The following MAPKAP1 variants were observed in gnomAD, a reference collection of about 807,000 sequenced individuals.
The protein encoded by MAPKAP1 is MAPK associated protein 1, also known as target of rapamycin complex 2 subunit MAPKAP1.
A neutral mutation model predicts 65.7 loss-of-function variants in MAPKAP1; 20 were observed. That is an observed-to-expected ratio of 0.30 (90% CI 0.21 to 0.44). The LOEUF (loss-of-function observed/expected upper bound fraction) is 0.44. Ranked by LOEUF, MAPKAP1 falls within the 20% of genes least tolerant of loss-of-function variation. The pLI is 1.00. For synonymous variants in MAPKAP1, 222 were observed against 244.3 expected (o/e 0.91, Z 0.85); for missense variants, 423 against 648.0 (o/e 0.65, Z 3.77).
Position 125,624,642 on chromosome 9 carries a change from G to T in MAPKAP1, c.498+33009C>A, listed in dbSNP as rs1165413044. 3.7e-3 allele frequency among the ~76,000 whole-genome samples: 258 copies of T among 69,752 alleles called. 11 individuals carry two copies. The highest frequency in any genetic ancestry group is 6.1e-3 in the Non-Finnish European group (201 of 32,706). 45.8% of individuals were successfully genotyped at this position (69,752 alleles called of 152,430 possible). The stretch of plus-strand genomic sequence containing the variant: ...GGGGGTCAGCCCCCCTGCCCGGCCA[G>T]CCGCCCCGTCCGGGAGGTGAGGGGC... On this transcript the variant is annotated intron_variant, in intron 4 of 11. Transcript: ENST00000265960.
At chr9:125,496,486 G>C (rs1460921930) in intron 8 of MAPKAP1, among the ~76,000 whole-genome samples, 2 of 152,192 alleles carry the variant, frequency 1.3e-5, no homozygotes, top group Non-Finnish European at 1.5e-5. Flanking sequence ...TTTGAAGAGT[G>C]CTGTTGTGGT....
chr9:125,648,515 T>C (rs1022730369), intron 4 of MAPKAP1, among the ~76,000 whole-genome samples: 1 of 152,226 alleles, frequency 6.6e-6, no homozygotes, highest in East Asian at 1.9e-4. Context: ...TTACTTGTCC[T>C]ACATCAGAGA....
chr9:125,441,304 T>C (rs1371781365), intron 11 of MAPKAP1, among the ~76,000 whole-genome samples: 2 of 152,168 alleles, frequency 1.3e-5, no homozygotes, highest in Admixed American at 6.5e-5. Context: ...CAGTGACATC[T>C]TGATGGGAAG....
rs2132909294 is a variant in MAPKAP1 at position 125,438,643 on chromosome 9, G to C, written c.*244C>G. 3.9e-6 allele frequency: 2 copies of C among 512,170 alleles called. No individual in the cohort carries two copies. The highest frequency in any genetic ancestry group is 3.6e-5 in the South Asian group (1 of 27,690). 31.7% of individuals were successfully genotyped at this position (512,170 alleles called of 1,614,324 possible). On this transcript the variant is annotated 3_prime_UTR_variant, in exon 12 of 12. Coordinates refer to ENST00000265960, the MANE Select transcript of MAPKAP1 (RefSeq NM_001006617.3). ...GCGGCACGTGGCTCCTCTAGGGGGTGGTCTGACCCCCAAGCATCGCTTATC... is the reference window on the plus strand; with the variant it reads ...GCGGCACGTGGCTCCTCTAGGGGGTCGTCTGACCCCCAAGCATCGCTTATC...
chr9:125,682,067 GTTTGT>G (rs1260578299), intron 1 of MAPKAP1, among the ~76,000 whole-genome samples: 2 of 146,994 alleles, frequency 1.4e-5, no homozygotes, highest in African/African-American at 4.9e-5. Context: ...CCTCCCCTAT[GTTTGT>G]TTTAACAGGA....
At chr9:125,671,381 C>T (rs1564610980) in intron 2 of MAPKAP1, among the ~76,000 whole-genome samples, 1 of 152,070 alleles carries the variant, frequency 6.6e-6, no homozygotes, top group Non-Finnish European at 1.5e-5. Context: ...CTCCAATATT[C>T]CTTTATGTGT....
chr9:125,679,888 C>T (rs2131820130), intron 1 of MAPKAP1, among the ~76,000 whole-genome samples: 1 of 152,268 alleles, frequency 6.6e-6, no homozygotes, highest in Non-Finnish European at 1.5e-5. Flanking sequence ...GGCAACAGCC[C>T]GAGGCTTCAC....
intron 9 of MAPKAP1, among the ~76,000 whole-genome samples, chr9:125,481,018 G>T (rs1854297098): frequency 6.6e-6 from 1 of 151,186 alleles, no homozygotes; most frequent in South Asian, 2.1e-4. Context: ...GCTTCTATGG[G>T]CCAGACACTT....
chr9:125,463,321 A>T lies in MAPKAP1; in HGVS notation c.1345+4651T>A, dbSNP rs545062593. ...AAAACACAAGAGGCCTTTGTGTCTA[A>T]CTGGCTTGGCCATTAAGGTTGCTGA... On this transcript the variant is annotated intron_variant, in intron 10 of 11. Transcript: ENST00000265960. 1.3e-4 allele frequency among the ~76,000 whole-genome samples: 20 copies of T among 152,348 alleles called. No individual in the cohort carries two copies. In the East Asian group the frequency reaches 3.9e-3, roughly 29 times the overall value.
At chr9:125,621,707 G>T (rs1202020949) in intron 4 of MAPKAP1, among the ~76,000 whole-genome samples, 1 of 152,190 alleles carries the variant, frequency 6.6e-6, no homozygotes, top group Non-Finnish European at 1.5e-5. Context: ...CTTTAGATAT[G>T]CAATATCCTC....
intron 1 of MAPKAP1, among the ~76,000 whole-genome samples, chr9:125,698,321 ATATATATATATAT>A (rs1835486991): frequency 1.9e-5 from 2 of 105,738 alleles, no homozygotes; most frequent in Non-Finnish European, 3.6e-5. Context: ...ATATATATAT[ATATATATATATAT>A]ATAAAATATA....
intron 8 of MAPKAP1, among the ~76,000 whole-genome samples, chr9:125,505,330 C>G (rs1829106521): frequency 6.6e-6 from 1 of 152,002 alleles, no homozygotes. Flanking sequence ...GAGGCTGAGG[C>G]AGGAGAATCG....
chr9:125,626,210 C>G (rs1833113947), intron 4 of MAPKAP1, among the ~76,000 whole-genome samples: 1 of 152,192 alleles, frequency 6.6e-6, no homozygotes, highest in Non-Finnish European at 1.5e-5. Context: ...TTCAGAAATA[C>G]TGGAAAGAAC....
intron 7 of MAPKAP1, among the ~76,000 whole-genome samples, chr9:125,514,527 T>C (rs1050215916): frequency 6.6e-6 from 1 of 152,176 alleles, no homozygotes; most frequent in Non-Finnish European, 1.5e-5. Context: ...TAGTCAATAT[T>C]TGTAGGACCT....
intron 5 of MAPKAP1, among the ~76,000 whole-genome samples, chr9:125,573,710 CTTTTG>C (rs1193671436): frequency 1.3e-5 from 2 of 152,188 alleles, no homozygotes; most frequent in African/African-American, 2.4e-5. Context: ...CACTGACCTT[CTTTTG>C]TTCCCTGACC....
rs34339738 is a variant in MAPKAP1 at position 125,491,139 on chromosome 9, CAA to C, written c.1067-6558_1067-6557del. Among the ~76,000 whole-genome samples, 31 of 119,818 alleles carry C rather than the reference CAA, an allele frequency of 2.6e-4. 1 individual carries two copies. Among genetic ancestry groups the C allele is most frequent in the African/African-American group, 5.1e-4 (16 of 31,314 alleles). 78.6% of individuals were successfully genotyped at this position (119,818 alleles called of 152,430 possible). ...TGGGCGACAGAGCAAGACTCCGTCT[CAA>C]AAAAAAAAAAAAAAAATTTAGGCCA... On this transcript the variant is annotated intron_variant, in intron 8 of 11. Coordinates refer to ENST00000265960, the MANE Select transcript of MAPKAP1 (RefSeq NM_001006617.3).
intron 4 of MAPKAP1, among the ~76,000 whole-genome samples, chr9:125,609,294 T>C (rs1376093906): frequency 6.6e-6 from 1 of 152,142 alleles, no homozygotes; most frequent in Admixed American, 6.5e-5. Flanking sequence ...AGCAGCTCCC[T>C]TGAACCACAG....
At chr9:125,486,363 G>C (rs1389437329) in intron 8 of MAPKAP1, among the ~76,000 whole-genome samples, 1 of 152,182 alleles carries the variant, frequency 6.6e-6, no homozygotes, top group Non-Finnish European at 1.5e-5. Context: ...GAGGGGAGGA[G>C]CCTGTCTCGC....
intron 8 of MAPKAP1, among the ~76,000 whole-genome samples, chr9:125,504,972 G>A (rs965266215): frequency 5.3e-5 from 8 of 152,202 alleles, no homozygotes; most frequent in African/African-American, 1.4e-4. Flanking sequence ...AGGGCAACTT[G>A]GTATGGGCCA....
Sources: gnomAD v4.1 joint callset for allele counts (sites outside exome capture counted in the v4.1 genomes callset) on GRCh38, gnomAD v4.1.1 for gene constraint, MANE v1.5 for transcripts, NCBI Gene and HGNC (gene_info 2026-07-23, HGNC 2026-07-21) for gene names.